DCAF8L2: variants seen among roughly 807,000 people sequenced by gnomAD.
The protein encoded by DCAF8L2 is DDB1- and CUL4-associated factor 8-like protein 2.
For missense variants in DCAF8L2, 430 were observed against 490.7 expected (o/e 0.88, Z 1.17); for synonymous variants, 200 against 190.9 (o/e 1.05, Z -0.39).
intron 3 of DCAF8L2, among the ~76,000 whole-genome samples, chrX:27,679,177 A>G (rs766674901): frequency 8.9e-6 from 1 of 111,851 alleles, no homozygotes; most frequent in South Asian, 3.8e-4. Context: ...AAAGATCAAT[A>G]GTGTTTCATT....
chrX:27,661,076 G>A (rs1362314504), intron 2 of DCAF8L2, among the ~76,000 whole-genome samples: 6 of 111,409 alleles, frequency 5.4e-5, no homozygotes, highest in Non-Finnish European at 1.1e-4. Flanking sequence ...CTGGGTGCTG[G>A]GGTGTGAGTC....
chrX:27,502,996 G>A, the DCAF8L2 span, among the ~76,000 whole-genome samples: 1 of 111,706 alleles, frequency 9.0e-6, no homozygotes, highest in Non-Finnish European at 1.9e-5. Flanking sequence ...GGAATATGAA[G>A]AAAGAGGAGA....
the DCAF8L2 span, among the ~76,000 whole-genome samples, chrX:27,512,035 T>C: frequency 9.0e-6 from 1 of 111,215 alleles, no homozygotes; most frequent in Non-Finnish European, 1.9e-5. Context: ...GAGGCTGAGG[T>C]GGAGGATTGC....
chrX:27,581,542 C>T, the DCAF8L2 span, among the ~76,000 whole-genome samples: 1 of 110,459 alleles, frequency 9.1e-6, no homozygotes, highest in Non-Finnish European at 1.9e-5. Context: ...GCTGCTGTTC[C>T]ATTTGTTCTA....
At chrX:27,702,845 G>A (rs1470071187) in intron 3 of DCAF8L2, among the ~76,000 whole-genome samples, 1 of 111,233 alleles carries the variant, frequency 9.0e-6, no homozygotes, top group Non-Finnish European at 1.9e-5. Context: ...GGAAGTTCTA[G>A]CCAGGGAAAT....
At chrX:27,498,164 C>T in the DCAF8L2 span, among the ~76,000 whole-genome samples, 1 of 112,052 alleles carries the variant, frequency 8.9e-6, no homozygotes, top group Non-Finnish European at 1.9e-5. Context: ...TTTTCAAGAC[C>T]TTGCTCAATT....
At chrX:27,500,981 G>T in the DCAF8L2 span, among the ~76,000 whole-genome samples, 1 of 111,465 alleles carries the variant, frequency 9.0e-6, no homozygotes, top group East Asian at 2.8e-4. Context: ...CTGAATCATG[G>T]TTTGCGCAAT....
chrX:27,664,532 CA>C, intron 2 of DCAF8L2, among the ~76,000 whole-genome samples: 1 of 112,048 alleles, frequency 8.9e-6, no homozygotes. Context: ...GCAAGTTATC[CA>C]GAAGATCTAG....
intron 1 of DCAF8L2, among the ~76,000 whole-genome samples, chrX:27,613,970 A>G (rs1218674515): frequency 2.7e-5 from 3 of 111,483 alleles, no homozygotes; most frequent in Non-Finnish European, 5.7e-5. Context: ...GCCTCATTAA[A>G]TGAGTTAGGG....
chrX:27,619,004 A>AATCTATC (rs373882054), intron 1 of DCAF8L2, among the ~76,000 whole-genome samples: 17,845 of 101,596 alleles, frequency 0.18, 1,421 homozygotes, highest in Middle Eastern at 0.28. Context: ...ATCTATATCT[A>AATCTATC]ATCTATCTAT....
the DCAF8L2 span, among the ~76,000 whole-genome samples, chrX:27,546,550 C>G: frequency 8.9e-6 from 1 of 112,478 alleles, no homozygotes; most frequent in Admixed American, 9.4e-5. Flanking sequence ...CATAAGGGGC[C>G]TGCTCCTCCA....
At chrX:27,603,648 T>C (rs1353118066) in intron 1 of DCAF8L2, among the ~76,000 whole-genome samples, 1 of 111,861 alleles carries the variant, frequency 8.9e-6, no homozygotes, top group Non-Finnish European at 1.9e-5. Context: ...CTACAACATA[T>C]ATAAAGCATA....
the DCAF8L2 span, among the ~76,000 whole-genome samples, chrX:27,474,692 C>G: frequency 6.3e-5 from 7 of 111,896 alleles, no homozygotes; most frequent in Non-Finnish European, 9.4e-5. Flanking sequence ...AAAAAATGTT[C>G]TTTAACATAT....
the DCAF8L2 span, among the ~76,000 whole-genome samples, chrX:27,496,700 C>T: frequency 1.8e-5 from 2 of 112,031 alleles, no homozygotes; most frequent in Non-Finnish European, 3.8e-5. Context: ...CGCTCCTTAA[C>T]TTACAAGTCT....
chrX:27,545,342 T>C, the DCAF8L2 span, among the ~76,000 whole-genome samples: 3 of 112,061 alleles, frequency 2.7e-5, no homozygotes, highest in African/African-American at 9.7e-5. Flanking sequence ...CAATTGGCTG[T>C]GCGCACTTAT....
chrX:27,584,162 A>G, the DCAF8L2 span, among the ~76,000 whole-genome samples: 8 of 111,854 alleles, frequency 7.2e-5, no homozygotes, highest in African/African-American at 2.6e-4. Context: ...TCAATCATTT[A>G]AAACCACAGC....
intron 4 of DCAF8L2, among the ~76,000 whole-genome samples, chrX:27,733,373 C>T (rs1921335723): frequency 9.0e-6 from 1 of 111,471 alleles, no homozygotes; most frequent in Non-Finnish European, 1.9e-5. Context: ...TATTTTAATT[C>T]GGTATTATTT....
chrX:27,744,045 T>C (rs1188975732), intron 4 of DCAF8L2, among the ~76,000 whole-genome samples: 1 of 111,397 alleles, frequency 9.0e-6, no homozygotes, highest in Non-Finnish European at 1.9e-5. Flanking sequence ...TTTACAAATA[T>C]TAATGTCAGG....
At chrX:27,598,267 T>A (rs1212470553) in intron 1 of DCAF8L2, among the ~76,000 whole-genome samples, 5 of 112,507 alleles carry the variant, frequency 4.4e-5, no homozygotes, top group Non-Finnish European at 9.4e-5. Flanking sequence ...CACTGTTACA[T>A]TGAAGGGGGA....
Sources: gnomAD v4.1 joint callset for allele counts (sites outside exome capture counted in the v4.1 genomes callset) on GRCh38, gnomAD v4.1.1 for gene constraint, MANE v1.5 for transcripts, NCBI Gene and HGNC (gene_info 2026-07-23, HGNC 2026-07-21) for gene names.